The following TMEM71 variants were observed in gnomAD, a reference collection of about 807,000 sequenced individuals.
TMEM71 encodes the protein transmembrane protein 71.
In TMEM71, 44 loss-of-function variants were observed where a neutral mutation model predicts 38.0. The ratio of observed to expected loss-of-function variants is 1.16; its 90% CI spans 0.91 to 1.49. The LOEUF (loss-of-function observed/expected upper bound fraction) is 1.49, where lower values mean the gene tolerates loss of function less well. Ranked by LOEUF, TMEM71 falls within the 40% of genes most tolerant of loss-of-function variation. The pLI, the probability that TMEM71 is intolerant of heterozygous loss-of-function variation, is 0.00. For missense variants in TMEM71, 367 were observed against 348.6 expected, an observed-to-expected ratio of 1.05 and a Z score of -0.42; for synonymous variants, 133 against 122.5, an observed-to-expected ratio of 1.09 and a Z score of -0.56.
chr8:132,726,533 G>T (rs1316552497), intron 6 of TMEM71, among the ~76,000 whole-genome samples: 3 of 152,156 alleles, frequency 2.0e-5, no homozygotes, highest in African/African-American at 7.2e-5. Flanking sequence ...TAGGAATTAT[G>T]ATCCTCTCCA....
At chr8:132,720,515 T>C (rs1364033615) in intron 7 of TMEM71, among the ~76,000 whole-genome samples, 2 of 152,184 alleles carry the variant, frequency 1.3e-5, no homozygotes, top group African/African-American at 4.8e-5. Context: ...ATTTTGCAAA[T>C]TTATTTTTAA....
At chr8:132,752,333 T>C (rs1828761692) in intron 3 of TMEM71, among the ~76,000 whole-genome samples, 1 of 152,190 alleles carries the variant, frequency 6.6e-6, no homozygotes, top group Non-Finnish European at 1.5e-5. Flanking sequence ...TCCCCTCTAC[T>C]CTCTTACTTT....
At chr8:132,764,967 C>T (rs1322136801), upstream of TMEM71, among the ~76,000 whole-genome samples, 8 of 152,196 alleles carry the variant, frequency 5.3e-5, no homozygotes, top group African/African-American at 1.9e-4. Flanking sequence ...ACATAGCACA[C>T]AAGGGCCAGA....
chr8:132,768,713 T>A, the TMEM71 span, among the ~76,000 whole-genome samples: 2 of 152,370 alleles, frequency 1.3e-5, no homozygotes, highest in East Asian at 1.9e-4. Context: ...GCCTCAATAC[T>A]TTGACTAAGG....
Position 132,710,994 on chromosome 8 carries a change from A to G in TMEM71, c.873-12T>C. 1.2e-6 allele frequency: 2 copies of G among 1,606,328 alleles called. No individual in the cohort carries two copies. Among genetic ancestry groups the G allele is most frequent in the Non-Finnish European group, 1.7e-6 (2 of 1,177,562 alleles). On this transcript the variant is annotated splice_polypyrimidine_tract_variant and intron_variant, in intron 9 of 9. Coordinates refer to ENST00000677595, the MANE Select transcript of TMEM71 (RefSeq NM_001382403.1). ...AAATTTTGACAAACCTAGATTGGAGAAATAAGAAAAGAAATGCATAATTCA... is the reference window on the plus strand; with the variant it reads ...AAATTTTGACAAACCTAGATTGGAGGAATAAGAAAAGAAATGCATAATTCA...
At chr8:132,759,895 T>C (rs1193978799) in intron 1 of TMEM71, among the ~76,000 whole-genome samples, 1 of 152,224 alleles carries the variant, frequency 6.6e-6, no homozygotes, top group African/African-American at 2.4e-5. Flanking sequence ...TGGCCTTCCT[T>C]GGAAGATTTC....
intron 7 of TMEM71, among the ~76,000 whole-genome samples, chr8:132,718,608 A>G (rs1272363539): frequency 6.6e-6 from 1 of 152,092 alleles, no homozygotes; most frequent in Admixed American, 6.6e-5. Context: ...CGTGTTAGCC[A>G]GGATGGCCTC....
intron 5 of TMEM71, among the ~76,000 whole-genome samples, chr8:132,735,052 G>A (rs572149332): frequency 6.6e-6 from 1 of 152,320 alleles, no homozygotes; most frequent in Admixed American, 6.5e-5. Flanking sequence ...CTTGCCTGGA[G>A]TCAGCCTGCC....
intron 3 of TMEM71, among the ~76,000 whole-genome samples, chr8:132,752,773 A>G (rs1302625154): frequency 6.7e-6 from 1 of 149,604 alleles, no homozygotes; most frequent in Non-Finnish European, 1.5e-5. Flanking sequence ...AGAGAGAGAA[A>G]AAAAAAAGGG....
intron 6 of TMEM71, among the ~76,000 whole-genome samples, chr8:132,723,612 A>G (rs1826970175): frequency 6.6e-6 from 1 of 152,178 alleles, no homozygotes; most frequent in Admixed American, 6.5e-5. Context: ...CATGGAATTA[A>G]AAATTCTATA....
At chr8:132,731,068 A>G (rs185905482) in intron 5 of TMEM71, among the ~76,000 whole-genome samples, 1 of 152,236 alleles carries the variant, frequency 6.6e-6, no homozygotes, top group Non-Finnish European at 1.5e-5. Flanking sequence ...TTCTAATACT[A>G]GTAACAGGGC....
Position 132,710,311 on chromosome 8 carries a change from G to A in TMEM71, c.*656C>T, listed in dbSNP as rs1163048258. 6 of 152,208 alleles carry A rather than the reference G, an allele frequency of 3.9e-5. No individual in the cohort carries two copies. The highest frequency in any genetic ancestry group is 3.4e-3 in the Middle Eastern group (1 of 294). The allele number at this position is 152,208 out of a possible 1,614,324, so 9.4% of individuals were successfully genotyped here. A position where few individuals can be genotyped will look rare whatever the true frequency, so the allele number is the denominator to read the frequency against. On this transcript the variant is annotated 3_prime_UTR_variant, in exon 10 of 10. Coordinates refer to ENST00000677595, the MANE Select transcript of TMEM71 (RefSeq NM_001382403.1). ...TGACATTAAAGTGAAAGGTAATTAC[G>A]AGCCCCAAGAAGATTAAAAACTTGG...
chr8:132,722,527 A>G (rs1198442206), intron 6 of TMEM71, among the ~76,000 whole-genome samples: 2 of 152,222 alleles, frequency 1.3e-5, no homozygotes, highest in Admixed American at 6.5e-5. Context: ...GTTCACTTAA[A>G]CAGCACAACA....
At chr8:132,761,388 A>C (rs1176431387), upstream of TMEM71, among the ~76,000 whole-genome samples, 2 of 152,222 alleles carry the variant, frequency 1.3e-5, no homozygotes, top group Admixed American at 6.5e-5. Flanking sequence ...AATTAAATGA[A>C]ATAAAAGAAA....
chr8:132,742,954 A>G (rs1828128434), intron 5 of TMEM71, among the ~76,000 whole-genome samples: 1 of 152,224 alleles, frequency 6.6e-6, no homozygotes, highest in Non-Finnish European at 1.5e-5. Context: ...GCAGGGAAAG[A>G]GAGAGCTCGT....
intron 6 of TMEM71, among the ~76,000 whole-genome samples, chr8:132,723,867 C>T (rs1826984863): frequency 6.6e-6 from 1 of 152,124 alleles, no homozygotes; most frequent in African/African-American, 2.4e-5. Context: ...GTAGGTTCTC[C>T]CTATTTTCCC....
intron 5 of TMEM71, among the ~76,000 whole-genome samples, chr8:132,731,215 T>C (rs1827436256): frequency 6.6e-6 from 1 of 152,162 alleles, no homozygotes; most frequent in African/African-American, 2.4e-5. Flanking sequence ...ATGGAGAGAA[T>C]TGAAACTTCT....
rs1303273554 is a variant in TMEM71 at position 132,727,896 on chromosome 8, A to G, written c.578T>C (p.Ile193Thr). The stretch of plus-strand genomic sequence containing the variant: ...GTTTCCTCCAGGAGGCTGAGATATG[A>G]TGTGGCTGGAAGAGGAGGTGATCAC... ...ESVITSSSSHIISQPPGGNSH... is the reference protein window; with the variant it reads ...ESVITSSSSHTISQPPGGNSH... The change falls in exon 6 of 10, where the codon ATC becomes ACC. Residue 193 changes from isoleucine (I) to threonine (T), a missense_variant. By Grantham distance (89) the Ile-to-Thr change is moderately conservative. Transcript: ENST00000677595. 6.2e-7 allele frequency: 1 copy of G among 1,614,046 alleles called. No homozygotes were observed. Among genetic ancestry groups the G allele is most frequent in the Non-Finnish European group, 8.5e-7 (1 of 1,180,016 alleles).
intron 7 of TMEM71, among the ~76,000 whole-genome samples, chr8:132,718,546 C>A (rs1402661164): frequency 6.6e-6 from 1 of 151,956 alleles, no homozygotes; most frequent in Non-Finnish European, 1.5e-5. Flanking sequence ...TACAGGTGCC[C>A]ACCACCACGC....
Sources: allele counts gnomAD v4.1 joint callset (sites outside exome capture counted in the v4.1 genomes callset), GRCh38; gene constraint gnomAD v4.1.1; transcripts MANE v1.5; gene names NCBI Gene and HGNC (gene_info 2026-07-23, HGNC 2026-07-21).